Variants in AUTS2 observed in about 807,000 individuals in gnomAD.
AUTS2 encodes the protein activator of transcription and developmental regulator AUTS2.
AUTS2 carries 17 observed loss-of-function variants against 112.4 expected under a neutral mutation model. The ratio of observed to expected loss-of-function variants is 0.15; its 90% CI spans 0.10 to 0.23. AUTS2 has a LOEUF of 0.23. AUTS2 is among the 10% of genes least tolerant of loss of function. The probability of loss-of-function intolerance (pLI) is 1.00; values close to 1 mark genes in which losing one functional copy is unlikely to be tolerated. For synonymous variants in AUTS2, 751 were observed against 702.7 expected (o/e 1.07, Z -1.09); for missense variants, 1,510 against 1,701.6 (o/e 0.89, Z 1.98).
chr7:69,934,335 G>C (rs1020039722), intron 2 of AUTS2, among the ~76,000 whole-genome samples: 1 of 152,192 alleles, frequency 6.6e-6, no homozygotes, highest in Non-Finnish European at 1.5e-5. Context: ...GTCACAGCAT[G>C]TGTATAGCAG....
intron 5 of AUTS2, among the ~76,000 whole-genome samples, chr7:70,598,702 G>A (rs1041923920): frequency 6.6e-6 from 1 of 152,088 alleles, no homozygotes; most frequent in East Asian, 1.9e-4. Context: ...CTGACAAGTG[G>A]GTGTTTGGTA....
rs558695912 is a variant in AUTS2, at chr7:70,041,735, G to A, written c.523-76397G>A. On this transcript the variant is annotated intron_variant, in intron 2 of 18. Transcript: ENST00000342771. ...GCCTTTTCTGCCCCTAAGATTCTGTGATTCTATAATCAGAAATAGCTTGGG... is the reference window on the plus strand; with the variant it reads ...GCCTTTTCTGCCCCTAAGATTCTGTAATTCTATAATCAGAAATAGCTTGGG... Among the ~76,000 whole-genome samples, 231 of 152,178 alleles carry A rather than the reference G, an allele frequency of 1.5e-3. 1 individual carries two copies. Among genetic ancestry groups the A allele is most frequent in the African/African-American group, 4.7e-3 (194 of 41,508 alleles).
chr7:70,243,668 A>G (rs1430029300), intron 4 of AUTS2, among the ~76,000 whole-genome samples: 1 of 152,180 alleles, frequency 6.6e-6, no homozygotes, highest in Non-Finnish European at 1.5e-5. Flanking sequence ...GTAGTGACAC[A>G]TGGCATATTC....
intron 5 of AUTS2, among the ~76,000 whole-genome samples, chr7:70,607,485 G>A (rs79895271): frequency 0.01 from 1,576 of 152,260 alleles, 23 homozygotes; most frequent in African/African-American, 0.036. Context: ...GACAACTCAC[G>A]ATGCAGACGA....
intron 2 of AUTS2, among the ~76,000 whole-genome samples, chr7:69,904,356 T>A (rs1209531499): frequency 6.6e-6 from 1 of 152,242 alleles, no homozygotes; most frequent in Non-Finnish European, 1.5e-5. Flanking sequence ...AATGGAAAAC[T>A]TTGATTAAAC....
chr7:70,405,806 G>A (rs1369654483), intron 4 of AUTS2, among the ~76,000 whole-genome samples: 1 of 152,194 alleles, frequency 6.6e-6, no homozygotes, highest in Admixed American at 6.5e-5. Context: ...TTCAAAGTTG[G>A]AAGCAATGGA....
chr7:70,715,760 G>C (rs1337135480), intron 6 of AUTS2, among the ~76,000 whole-genome samples: 1 of 151,968 alleles, frequency 6.6e-6, no homozygotes, highest in Non-Finnish European at 1.5e-5. Context: ...TCCAACCCCT[G>C]ACCTCAAGCC....
At chr7:70,461,859 C>T (rs1202355352) in intron 5 of AUTS2, among the ~76,000 whole-genome samples, 2 of 151,918 alleles carry the variant, frequency 1.3e-5, no homozygotes, top group South Asian at 4.1e-4. Context: ...AGGGGCCTAA[C>T]TCTGACTCTG....
At chr7:69,632,596 T>TTCTCCCC (rs1273979432) in intron 1 of AUTS2, among the ~76,000 whole-genome samples, 2 of 125,826 alleles carry the variant, frequency 1.6e-5, no homozygotes, top group African/African-American at 5.9e-5. Flanking sequence ...CCCCTCTGCC[T>TTCTCCCC]TCTCCCCTCT....
intron 4 of AUTS2, among the ~76,000 whole-genome samples, chr7:70,365,405 A>G (rs910504980): frequency 2.0e-5 from 3 of 152,246 alleles, no homozygotes; most frequent in East Asian, 1.9e-4. Flanking sequence ...AGATGGAGAA[A>G]CTTGTCCATA....
At chr7:70,073,030 C>G (rs985325729) in intron 2 of AUTS2, among the ~76,000 whole-genome samples, 1 of 132,226 alleles carries the variant, frequency 7.6e-6, no homozygotes, top group Non-Finnish European at 1.6e-5. Context: ...CCCTCCCCTC[C>G]CCTCCCTTCC....
chr7:70,438,649 C>G (rs1348358193), intron 5 of AUTS2, among the ~76,000 whole-genome samples: 1 of 152,224 alleles, frequency 6.6e-6, no homozygotes, highest in Non-Finnish European at 1.5e-5. Context: ...ACTTTAACAC[C>G]ATCCTCCAAG....
intron 3 of AUTS2, among the ~76,000 whole-genome samples, chr7:70,128,058 G>GT (rs1400009665): frequency 2.0e-5 from 3 of 151,648 alleles, no homozygotes; most frequent in Non-Finnish European, 4.4e-5. Context: ...TTCCCACATT[G>GT]TTATAATTAG....
At chr7:70,405,222 T>C (rs918201847) in intron 4 of AUTS2, among the ~76,000 whole-genome samples, 10 of 152,174 alleles carry the variant, frequency 6.6e-5, no homozygotes, top group African/African-American at 2.2e-4. Flanking sequence ...TTCTATAAAA[T>C]ATAGTAAACA....
At chr7:70,064,072 AGCAAAGCATCT>A (rs962420517) in intron 2 of AUTS2, among the ~76,000 whole-genome samples, 6 of 152,216 alleles carry the variant, frequency 3.9e-5, no homozygotes, top group Non-Finnish European at 8.8e-5. Context: ...TGTGGGTTTC[AGCAAAGCATCT>A]TTAGCTTAAG....
chr7:69,707,653 T>C (rs1334460509), intron 1 of AUTS2, among the ~76,000 whole-genome samples: 1 of 152,218 alleles, frequency 6.6e-6, no homozygotes, highest in African/African-American at 2.4e-5. Context: ...ATGCTAGGGA[T>C]ATATTTGTGA....
chr7:70,277,185 C>T (rs778772277), intron 4 of AUTS2, among the ~76,000 whole-genome samples: 6 of 152,088 alleles, frequency 3.9e-5, no homozygotes, highest in African/African-American at 9.7e-5. Context: ...GATTTCAGAC[C>T]TAGGAGAGCC....
intron 4 of AUTS2, among the ~76,000 whole-genome samples, chr7:70,391,990 C>T (rs996947978): frequency 6.6e-6 from 1 of 152,202 alleles, no homozygotes; most frequent in African/African-American, 2.4e-5. Flanking sequence ...CCAGCCCCCA[C>T]AGAGTGCTTC....
At chr7:70,429,927 CAG>C (rs1186047212) in intron 4 of AUTS2, among the ~76,000 whole-genome samples, 1 of 152,048 alleles carries the variant, frequency 6.6e-6, no homozygotes, top group African/African-American at 2.4e-5. Context: ...GGATTAGAAA[CAG>C]AATGTGAAGG....
Sources: allele counts gnomAD v4.1 joint callset (sites outside exome capture counted in the v4.1 genomes callset), GRCh38; gene constraint gnomAD v4.1.1; transcripts MANE v1.5; gene names NCBI Gene and HGNC (gene_info 2026-07-23, HGNC 2026-07-21).